Variants in DNAH6 observed in about 807,000 individuals in gnomAD.
The protein encoded by DNAH6 is dynein axonemal heavy chain 6.
DNAH6 carries 340 observed loss-of-function variants against 491.4 expected under a neutral mutation model. That is an observed-to-expected ratio of 0.69 (90% CI 0.63 to 0.76). The LOEUF is 0.76. DNAH6 is among the 30% of genes least tolerant of loss of function. The probability of loss-of-function intolerance (pLI) is 0.00; values close to 1 mark genes in which losing one functional copy is unlikely to be tolerated. For missense variants in DNAH6, 4,443 were observed against 4,972.2 expected, an observed-to-expected ratio of 0.89 and a Z score of 3.20; for synonymous variants, 1,603 against 1,686.1, an observed-to-expected ratio of 0.95 and a Z score of 1.21.
At chr2:84,634,372 C>T in intron 29 of DNAH6, 132 bp from the exon 30 acceptor site, 3 of 852,838 alleles carry the variant, frequency 3.5e-6, no homozygotes, top group Non-Finnish European at 4.9e-6. Flanking sequence ...TGACATAGAC[C>T]AGTATTCACA....
chr2:84,793,926 A>G (rs926593035), intron 68 of DNAH6, among the ~76,000 whole-genome samples: 49 of 152,362 alleles, frequency 3.2e-4, no homozygotes, highest in African/African-American at 1.1e-3. Flanking sequence ...CATCTCAGCT[A>G]TACTACAAGG....
chr2:84,762,304 C>T (rs1340869779), intron 63 of DNAH6, among the ~76,000 whole-genome samples: 1 of 152,010 alleles, frequency 6.6e-6, no homozygotes, highest in African/African-American at 2.4e-5. Context: ...AAAGTAGCTG[C>T]CATCAAGGGA....
At chr2:84,681,743 A>G (rs1389968314) in intron 42 of DNAH6, among the ~76,000 whole-genome samples, 2 of 120,180 alleles carry the variant, frequency 1.7e-5, no homozygotes, top group South Asian at 2.3e-4. Context: ...TCTTTCACTG[A>G]AAAAAAAAAA....
At chr2:84,549,770 T>C (rs894707453) in intron 8 of DNAH6, 119 bp from the exon 9 acceptor site, 4 of 709,816 alleles carry the variant, frequency 5.6e-6, no homozygotes, top group Non-Finnish European at 8.9e-6. Context: ...TATAATTAAA[T>C]GGAAATTCAA....
At position 84,669,481 on chromosome 2, in the gene DNAH6, T is replaced by C. The variant is rs1692501173; in HGVS notation, c.6277T>C (p.Leu2093=). The part of the protein sequence containing the change: ...EKLLAVKHSV[L]FTGITGVGKS... ...ACTACTGGCAGTCAAGCATTCCGTG[T>C]TGTTTACTGGAATAACTGGAGTGGG... The change falls in exon 38 of 77, where the codon TTG becomes CTG. Residue 2093 remains leucine (L), a synonymous_variant. Coordinates refer to ENST00000389394, the MANE Select transcript of DNAH6 (RefSeq NM_001370.2). The C allele has an allele frequency of 1.3e-6, 2 of 1,551,832 alleles. No homozygotes were observed. The highest frequency in any genetic ancestry group is 1.7e-6 in the Non-Finnish European group (2 of 1,146,984).
intron 24 of DNAH6, 51 bp downstream of exon 24, chr2:84,619,955 T>C: frequency 7.0e-7 from 1 of 1,426,152 alleles, no homozygotes; most frequent in Non-Finnish European, 9.6e-7. Context: ...GCTACTCCTC[T>C]AGGGTTATTC....
intron 68 of DNAH6, among the ~76,000 whole-genome samples, chr2:84,791,788 A>G (rs1234046212): frequency 6.6e-6 from 1 of 151,964 alleles, no homozygotes; most frequent in African/African-American, 2.4e-5. Flanking sequence ...TAAAAAGACA[A>G]TGCTTTATCC....
intron 17 of DNAH6, among the ~76,000 whole-genome samples, chr2:84,594,809 A>G (rs527603493): frequency 3.3e-5 from 5 of 152,216 alleles, no homozygotes; most frequent in Non-Finnish European, 7.4e-5. Context: ...TGTTCCAGGT[A>G]ATGTTCTAGG....
chr2:84,604,248 A>G (rs1011019013), intron 18 of DNAH6, 91 bp from the exon 19 acceptor site: 11 of 975,726 alleles, frequency 1.1e-5, no homozygotes, highest in South Asian at 1.5e-5. Flanking sequence ...GCTCTTTTCC[A>G]GCTCTCTACA....
chr2:84,502,013 G>A, the DNAH6 span, among the ~76,000 whole-genome samples: 2 of 151,416 alleles, frequency 1.3e-5, no homozygotes, highest in South Asian at 2.1e-4. Context: ...TGTCTTCTTC[G>A]TTACAATTTC....
intron 70 of DNAH6, among the ~76,000 whole-genome samples, chr2:84,804,308 G>A (rs1679218154): frequency 6.6e-6 from 1 of 151,136 alleles, no homozygotes; most frequent in South Asian, 2.1e-4. Flanking sequence ...ACCATAATTA[G>A]TATCACATTG....
At chr2:84,746,256 G>C (rs1007059215) in intron 63 of DNAH6, among the ~76,000 whole-genome samples, 2 of 152,140 alleles carry the variant, frequency 1.3e-5, no homozygotes, top group African/African-American at 4.8e-5. Context: ...TAGGATCGTA[G>C]AGGAATAAGA....
At chr2:84,807,276 T>G (rs1156428555) in intron 71 of DNAH6, among the ~76,000 whole-genome samples, 7 of 152,140 alleles carry the variant, frequency 4.6e-5, no homozygotes, top group Non-Finnish European at 1.0e-4. Context: ...CAGCCAAATG[T>G]GTGTGGTCAA....
intron 70 of DNAH6, among the ~76,000 whole-genome samples, chr2:84,804,067 C>T (rs970831044): frequency 6.6e-6 from 1 of 151,926 alleles, no homozygotes; most frequent in Admixed American, 6.6e-5. Flanking sequence ...ATTAGCCAGG[C>T]GTGGTGACAG....
chr2:84,756,469 G>A lies in DNAH6; in HGVS notation c.10513-6286G>A, dbSNP rs553357491. 2.0e-5 allele frequency among the ~76,000 whole-genome samples: 3 copies of A among 152,032 alleles called. No individual in the cohort carries two copies. In the East Asian group the frequency reaches 5.8e-4, roughly 29 times the overall value. ...TAACATTCTCTTATTTTTTCTGTAG[G>A]TCTCAGGAACTTGAGTATGATGCTA... is the stretch of plus-strand genomic sequence containing the variant. On this transcript the variant is annotated intron_variant, in intron 63 of 76. Coordinates refer to ENST00000389394, the MANE Select transcript of DNAH6 (RefSeq NM_001370.2).
intron 14 of DNAH6, among the ~76,000 whole-genome samples, chr2:84,580,305 CACAT>C (rs1482001142): frequency 3.5e-5 from 3 of 84,588 alleles, no homozygotes; most frequent in East Asian, 7.5e-4. Context: ...CTTATACACA[CACAT>C]ACACACGCAC....
At chr2:84,518,204 A>T (rs1675775922) in intron 2 of DNAH6, among the ~76,000 whole-genome samples, 153 bp downstream of exon 2, 2 of 152,202 alleles carry the variant, frequency 1.3e-5, no homozygotes, top group Non-Finnish European at 2.9e-5. Flanking sequence ...TAAATACGGT[A>T]AATATTTATT....
chr2:84,627,349 A>T, intron 29 of DNAH6, among the ~76,000 whole-genome samples: 1 of 151,978 alleles, frequency 6.6e-6, no homozygotes, highest in East Asian at 1.9e-4. Flanking sequence ...TCCTTGAGCA[A>T]TTTTTTTCCC....
intron 15 of DNAH6, 34 bp from the exon 16 acceptor site, chr2:84,588,792 G>T (rs777285005): frequency 6.7e-7 from 1 of 1,487,344 alleles, no homozygotes; most frequent in South Asian, 1.4e-5. Flanking sequence ...CAAAAAGCAG[G>T]AATGGCTAAC....
Sources: allele counts gnomAD v4.1 joint callset (sites outside exome capture counted in the v4.1 genomes callset), GRCh38; gene constraint gnomAD v4.1.1; transcripts MANE v1.5; gene names NCBI Gene and HGNC (gene_info 2026-07-23, HGNC 2026-07-21).